Variants in VCP observed in about 807,000 individuals in gnomAD.
VCP encodes the protein transitional endoplasmic reticulum ATPase.
A neutral mutation model predicts 85.7 loss-of-function variants in VCP; 6 were observed. The ratio of observed to expected loss-of-function variants is 0.07; its 90% CI spans 0.04 to 0.14. The LOEUF (loss-of-function observed/expected upper bound fraction) is 0.14. VCP is among the 10% of genes least tolerant of loss of function. The pLI, the probability that VCP is intolerant of heterozygous loss-of-function variation, is 1.00. For missense variants in VCP, 353 were observed against 1,043.4 expected, an observed-to-expected ratio of 0.34 and a Z score of 9.12; for synonymous variants, 384 against 367.1, an observed-to-expected ratio of 1.05 and a Z score of -0.53.
At chr9:35,066,231 G>A (rs547644545) in intron 4 of VCP, among the ~76,000 whole-genome samples, 6 of 151,218 alleles carry the variant, frequency 4.0e-5, no homozygotes, top group Admixed American at 3.3e-4. Flanking sequence ...AGCAGTTTGA[G>A]ACCAGCCTGG....
At chr9:35,068,988 C>T (rs1828887192) in intron 1 of VCP, among the ~76,000 whole-genome samples, 1 of 152,104 alleles carries the variant, frequency 6.6e-6, no homozygotes, top group Admixed American at 6.5e-5. Context: ...TTAAGTAAGC[C>T]AGACAACCTC....
intron 10 of VCP, 139 bp downstream of exon 10, chr9:35,061,438 T>C (rs1587122447): frequency 1.0e-6 from 1 of 958,362 alleles, no homozygotes; most frequent in Non-Finnish European, 1.7e-6. Context: ...ATTTCCTGGA[T>C]TCAATCTCAG....
At chr9:35,061,352 G>A (rs1828717881) in intron 10 of VCP, among the ~76,000 whole-genome samples, 173 bp from the exon 11 acceptor site, 1 of 152,130 alleles carries the variant, frequency 6.6e-6, no homozygotes, top group African/African-American at 2.4e-5. Context: ...CTGGACTTGG[G>A]ACCTAGAAAT....
chr9:35,061,246 A>C, intron 10 of VCP, 67 bp from the exon 11 acceptor site: 1 of 1,602,938 alleles, frequency 6.2e-7, no homozygotes, highest in Non-Finnish European at 8.5e-7. Context: ...CTCAGAGACA[A>C]TAGAATCCTT....
At chr9:35,068,549 A>G (rs1336044526) in intron 1 of VCP, among the ~76,000 whole-genome samples, 187 bp from the exon 2 acceptor site, 1 of 152,246 alleles carries the variant, frequency 6.6e-6, no homozygotes, top group African/African-American at 2.4e-5. Flanking sequence ...TACCCATTCC[A>G]GCAGCTCCTG....
At chr9:35,063,873 G>A (rs1276971290) in intron 6 of VCP, among the ~76,000 whole-genome samples, 1 of 152,146 alleles carries the variant, frequency 6.6e-6, no homozygotes, top group Non-Finnish European at 1.5e-5. Flanking sequence ...TACAAGAATG[G>A]CTTTTATATT....
chr9:35,070,927 G>C (rs1324969516), intron 1 of VCP, among the ~76,000 whole-genome samples: 1 of 152,132 alleles, frequency 6.6e-6, no homozygotes, highest in Admixed American at 6.5e-5. Flanking sequence ...TGGGCCAACA[G>C]CAGTTCTGGA....
rs755519508 is a variant in VCP at position 35,066,811 on chromosome 9, C to A, written c.309G>T (p.Gln103His). 6.2e-7 allele frequency: 1 copy of A among 1,614,100 alleles called. No individual in the cohort carries two copies. The highest frequency in any genetic ancestry group is 1.1e-5 in the South Asian group (1 of 91,086). ...RVRLGDVISI[Q>H]PCPDVKYGKR... is the part of the protein sequence containing the mutation. Reference sequence around the variant, plus strand: ...TGCCGTACTTCACATCAGGGCATGGCTGGATGCTGAGGATGACAAGCAGAC... The same window carrying A: ...TGCCGTACTTCACATCAGGGCATGGATGGATGCTGAGGATGACAAGCAGAC... The change falls in exon 4 of 17, where the codon CAG becomes CAT. Residue 103 changes from glutamine to histidine, a missense_variant. Transcript: ENST00000358901.
rs1470792208 is a variant in VCP, at chr9:35,061,593, T to G, written c.1178A>C (p.Asp393Ala). The G allele has an allele frequency of 6.2e-7, 1 of 1,614,162 alleles. No individual in the cohort carries two copies. Among genetic ancestry groups the G allele is most frequent in the South Asian group, 1.1e-5 (1 of 91,084 alleles). Residue 393 changes from aspartate to alanine, a missense_variant, in exon 10 of 17, where the codon GAT (aspartate) becomes GCT (alanine). By Grantham distance (126) the Asp-to-Ala change is moderately radical. This residue lies in a region of VCP where 30 missense variants were observed against 39.0 expected (regional missense o/e 0.77). Transcript: ENST00000358901. ...TCACTTCACCTGTTCCAGGTCCACA[T>G]CATCTGCCAGCTTCATGTTCTTGGT... Reference protein sequence around the residue: ...IHTKNMKLADDVDLEQVANET... With the variant: ...IHTKNMKLADAVDLEQVANET...
Position 35,061,738 on chromosome 9 carries a change from G to A in VCP, c.1082-49C>T, listed in dbSNP as rs1478802424. 5 of 1,511,584 alleles carry A rather than the reference G, an allele frequency of 3.3e-6. No homozygotes were observed. The Middle Eastern group carries it at 5.1e-4, about 154-fold the overall frequency. 93.6% of individuals were successfully genotyped at this position (1,511,584 alleles called of 1,614,324 possible). ...AACAGGGCTCATCTCTAGTCCAGAG[G>A]TAAGAGACAGGCCTAGGGTGACCAA... On this transcript the variant is annotated intron_variant, in intron 9 of 16. Transcript: ENST00000358901.
At position 35,066,789 on chromosome 9, in the gene VCP, C is replaced by T. The variant is rs752038734; in HGVS notation, c.331G>A (p.Gly111Ser). ...SIQPCPDVKY[G>S]KRIHVLPIDD... ...ATGGGCAGCACATGGATACGTTTGC[C>T]GTACTTCACATCAGGGCATGGCTGG... Residue 111 changes from glycine (G) to serine (S), a missense_variant, in exon 4 of 17, where the codon GGC becomes AGC. By Grantham distance (56) the Gly-to-Ser change is moderately conservative. Around this residue, in one of 8 missense-constraint regions of VCP, gnomAD observed 85 missense variants for 345.2 expected, o/e 0.25. Coordinates refer to ENST00000358901, the MANE Select transcript of VCP (RefSeq NM_007126.5). 11 of 1,613,964 alleles carry T rather than the reference C, an allele frequency of 6.8e-6. No individual in the cohort carries two copies. The highest frequency in any genetic ancestry group is 3.3e-4 in the Middle Eastern group (2 of 6,080).
chr9:35,057,715 A>C, intron 15 of VCP, 185 bp from the exon 16 acceptor site: 1 of 732,196 alleles, frequency 1.4e-6, no homozygotes. Context: ...TGCACTCTGG[A>C]AAAGGGAAAA....
Position 35,064,300 on chromosome 9 carries a change from G to C in VCP, c.577-15C>G, listed in dbSNP as rs1587126066. 3.1e-6 allele frequency: 5 copies of C among 1,613,688 alleles called. No homozygotes were observed. The highest frequency in any genetic ancestry group is 3.4e-6 in the Non-Finnish European group (4 of 1,179,962). Reference sequence around the variant, plus strand: ...TCTTCCTCATCCTGAATATGGAGGAGATAAAGAAAGGAGAAGGCAAGAATA... The same window carrying C: ...TCTTCCTCATCCTGAATATGGAGGACATAAAGAAAGGAGAAGGCAAGAATA... On this transcript the variant is annotated splice_polypyrimidine_tract_variant and intron_variant, in intron 5 of 16. Transcript: ENST00000358901.
chr9:35,066,591 AAAAAG>A, intron 4 of VCP, 79 bp downstream of exon 4: 6 of 1,516,596 alleles, frequency 4.0e-6, no homozygotes, highest in Admixed American at 2.2e-5. Flanking sequence ...TTAAAAAAAA[AAAAAG>A]AAAAAGAAAA....
intron 12 of VCP, 85 bp downstream of exon 12, chr9:35,060,716 C>G: frequency 7.5e-6 from 12 of 1,610,534 alleles, no homozygotes; most frequent in Non-Finnish European, 1.0e-5. Context: ...ACAACTCTTG[C>G]AGCAAATGTG....
Position 35,059,392 on chromosome 9 carries a change from C to T in VCP, c.2004+101G>A, listed in dbSNP as rs1828676795. On this transcript the variant is annotated intron_variant, in intron 14 of 16. Coordinates refer to ENST00000358901, the MANE Select transcript of VCP (RefSeq NM_007126.5). The surrounding 1 kb of genome is among the most constrained non-coding windows in gnomAD (Gnocchi z 4.9). ...CAAAAATTCTACCTTCCCTTTAGACCAACCCTAACCCCAGTGGAATCTTGT... is the reference window on the plus strand; with the variant it reads ...CAAAAATTCTACCTTCCCTTTAGACTAACCCTAACCCCAGTGGAATCTTGT... 1 of 1,543,678 alleles carries T rather than the reference C, an allele frequency of 6.5e-7. No individual in the cohort carries two copies.
At chr9:35,065,136 G>C in intron 5 of VCP, 115 bp downstream of exon 5, 1 of 1,489,920 alleles carries the variant, frequency 6.7e-7, no homozygotes. Flanking sequence ...CCAAAGTACT[G>C]GGATTACAGG....
chr9:35,068,862 T>G (rs948644588), intron 1 of VCP, among the ~76,000 whole-genome samples: 1 of 152,200 alleles, frequency 6.6e-6, no homozygotes, highest in African/African-American at 2.4e-5. Flanking sequence ...CTCAGAGGCT[T>G]ATTGTCTTAA....
chr9:35,061,293 G>C, intron 10 of VCP, 114 bp from the exon 11 acceptor site: 1 of 1,393,192 alleles, frequency 7.2e-7, no homozygotes, highest in Non-Finnish European at 1.0e-6. Context: ...TCATTTCCTT[G>C]AATATATACT....
Sources: allele counts gnomAD v4.1 joint callset (sites outside exome capture counted in the v4.1 genomes callset), GRCh38; gene constraint gnomAD v4.1.1; regional missense constraint gnomAD v4.1.1; non-coding constraint Gnocchi (gnomAD v3.1); transcripts MANE v1.5; gene names NCBI Gene and HGNC (gene_info 2026-07-23, HGNC 2026-07-21).